WLS: variants seen among roughly 807,000 people sequenced by gnomAD.
WLS encodes protein wntless homolog.
A neutral mutation model predicts 62.8 loss-of-function variants in WLS; 23 were observed. That is an observed-to-expected ratio of 0.37 (90% CI 0.26 to 0.52). WLS has a LOEUF of 0.52. Among genes scored for constraint, WLS ranks in the 20% least tolerant of loss-of-function variants. The probability of loss-of-function intolerance (pLI) is 0.92; values close to 1 mark genes in which losing one functional copy is unlikely to be tolerated. For synonymous variants in WLS, 246 were observed against 244.1 expected, an observed-to-expected ratio of 1.01 and a Z score of -0.07; for missense variants, 615 against 697.3, an observed-to-expected ratio of 0.88 and a Z score of 1.33.
At chr1:68,207,834 C>T (rs188671837) in intron 1 of WLS, among the ~76,000 whole-genome samples, 50 of 152,314 alleles carry the variant, frequency 3.3e-4, no homozygotes, top group African/African-American at 1.2e-3. Flanking sequence ...AACCCTATTA[C>T]AGTACCATGA....
At chr1:68,214,989 A>T (rs1329887552) in intron 1 of WLS, among the ~76,000 whole-genome samples, 1 of 152,182 alleles carries the variant, frequency 6.6e-6, no homozygotes, top group African/African-American at 2.4e-5. Flanking sequence ...TAGCCTCCAC[A>T]CAAGTCTCAG....
At chr1:68,168,381 T>C (rs1647093905) in intron 2 of WLS, among the ~76,000 whole-genome samples, 1 of 152,242 alleles carries the variant, frequency 6.6e-6, no homozygotes, top group Admixed American at 6.5e-5. Context: ...TCTCCTTTTA[T>C]GACTTCCCAC....
At chr1:68,220,919 G>T (rs1473176799) in intron 1 of WLS, among the ~76,000 whole-genome samples, 1 of 151,936 alleles carries the variant, frequency 6.6e-6, no homozygotes, top group East Asian at 1.9e-4. Context: ...TCTTGACTTT[G>T]TTAAAATCCC....
intron 2 of WLS, 82 bp from the exon 3 acceptor site, chr1:68,159,329 TG>T: frequency 6.5e-7 from 1 of 1,531,568 alleles, no homozygotes; most frequent in Non-Finnish European, 8.8e-7. Context: ...TTATAGGCTT[TG>T]ACTTGGAAAC....
chr1:68,205,511 T>TA (rs1484029325), intron 1 of WLS, among the ~76,000 whole-genome samples: 13 of 152,198 alleles, frequency 8.5e-5, no homozygotes, highest in African/African-American at 2.7e-4. Flanking sequence ...AGCCAGGACT[T>TA]ACAGTTATTT....
At chr1:68,201,706 A>AT (rs907080379) in intron 1 of WLS, among the ~76,000 whole-genome samples, 4 of 152,240 alleles carry the variant, frequency 2.6e-5, no homozygotes, top group South Asian at 2.1e-4. Flanking sequence ...AGGAAAGCTA[A>AT]TTTTTTTTAA....
At chr1:68,221,103 C>T (rs1557528477) in intron 1 of WLS, among the ~76,000 whole-genome samples, 1 of 152,036 alleles carries the variant, frequency 6.6e-6, no homozygotes, top group African/African-American at 2.4e-5. Context: ...TACAAATTAT[C>T]TTTTTTTTCT....
At chr1:68,189,999 A>G (rs886790263) in intron 2 of WLS, among the ~76,000 whole-genome samples, 8 of 152,188 alleles carry the variant, frequency 5.3e-5, no homozygotes, top group African/African-American at 1.7e-4. Context: ...ACAGAGCGAG[A>G]CTCCGTCTCA....
intron 1 of WLS, among the ~76,000 whole-genome samples, chr1:68,194,935 G>A (rs1317160503): frequency 6.6e-6 from 1 of 152,078 alleles, no homozygotes; most frequent in Non-Finnish European, 1.5e-5. Context: ...ATTATATAAT[G>A]GTTATATGAT....
chr1:68,229,500 C>A (rs533078385), intron 1 of WLS, among the ~76,000 whole-genome samples: 3 of 152,102 alleles, frequency 2.0e-5, no homozygotes, highest in African/African-American at 7.2e-5. Context: ...TCTTCTCACT[C>A]GAGAGAGCAG....
intron 11 of WLS, chr1:68,100,577 GAAATTA>G (rs1412256195): frequency 6.6e-6 from 1 of 152,128 alleles, no homozygotes. Flanking sequence ...TTTAAATTTA[GAAATTA>G]AAATTGAATT....
At chr1:68,136,163 G>A (rs893940301) in intron 11 of WLS, among the ~76,000 whole-genome samples, 1 of 152,150 alleles carries the variant, frequency 6.6e-6, no homozygotes, top group Admixed American at 6.5e-5. Flanking sequence ...CCCCAGCACA[G>A]ATGCCTTCCT....
rs145788271 is a variant in WLS at position 68,160,156 on chromosome 1, T to A, written c.380-909A>T. On this transcript the variant is annotated intron_variant, in intron 2 of 11. Coordinates refer to ENST00000262348, the MANE Select transcript of WLS (RefSeq NM_024911.7). Reference sequence around the variant, plus strand: ...ATTAAATCAACTTCAAGTTCTTAACTCATGGGACTATTTTGGAACACTTCT... The same window carrying A: ...ATTAAATCAACTTCAAGTTCTTAACACATGGGACTATTTTGGAACACTTCT... Among the ~76,000 whole-genome samples, 85 of 145,382 alleles carry A rather than the reference T, an allele frequency of 5.8e-4. No homozygotes were observed. In the East Asian group the frequency reaches 0.014, roughly 24 times the overall value.
rs547273382 is a variant in WLS, at chr1:68,105,894, G to A, written c.1511-7141C>T. On this transcript the variant is annotated intron_variant, in intron 11 of 11. Coordinates refer to the WLS transcript ENST00000354777. ...AGAAAAGAGGAAAAAGGAATGCCCC[G>A]GGCTCCAAAAAGAAAAGGATATGGG... is the stretch of plus-strand genomic sequence containing the variant. Among the ~76,000 whole-genome samples the A allele has an allele frequency of 1.6e-4, 24 of 152,200 alleles. 2 individuals carry two copies. The highest frequency in any genetic ancestry group is 3.3e-4 in the Admixed American group (5 of 15,276).
At chr1:68,115,105 C>G (rs1054829707) in intron 11 of WLS, among the ~76,000 whole-genome samples, 17 of 152,220 alleles carry the variant, frequency 1.1e-4, no homozygotes, top group African/African-American at 4.1e-4. Context: ...CACCCCCCAC[C>G]ACACCCGGTC....
chr1:68,110,577 G>A (rs1451407284), intron 11 of WLS, among the ~76,000 whole-genome samples: 1 of 151,678 alleles, frequency 6.6e-6, no homozygotes, highest in Admixed American at 6.6e-5. Flanking sequence ...AAAAGCTAAA[G>A]TAATTAAAAC....
intron 1 of WLS, among the ~76,000 whole-genome samples, chr1:68,219,386 C>A (rs958407299): frequency 1.3e-5 from 2 of 152,152 alleles, no homozygotes; most frequent in South Asian, 2.1e-4. Context: ...AATGGAAAAA[C>A]GTCCCTTTCC....
At chr1:68,207,780 C>T (rs2100640286) in intron 1 of WLS, among the ~76,000 whole-genome samples, 1 of 152,306 alleles carries the variant, frequency 6.6e-6, no homozygotes, top group South Asian at 2.1e-4. Flanking sequence ...CTAAAAGGTA[C>T]TCGCCTCCTA....
chr1:68,177,194 C>G (rs755850451), intron 2 of WLS, among the ~76,000 whole-genome samples: 3 of 152,218 alleles, frequency 2.0e-5, no homozygotes, highest in Non-Finnish European at 4.4e-5. Context: ...TGCTTCAGTG[C>G]TGATCAGCAT....
Sources: allele counts gnomAD v4.1 joint callset (sites outside exome capture counted in the v4.1 genomes callset), GRCh38; gene constraint gnomAD v4.1.1; transcripts MANE v1.5; gene names NCBI Gene and HGNC (gene_info 2026-07-23, HGNC 2026-07-21).